Variants in NFIA observed in about 807,000 individuals in gnomAD.
NFIA encodes nuclear factor 1 A-type.
In NFIA, 8 loss-of-function variants were observed where a neutral mutation model predicts 62.8. That is an observed-to-expected ratio of 0.13 (90% CI 0.07 to 0.23). The LOEUF is 0.23. NFIA is among the 10% of genes least tolerant of loss of function. The probability of loss-of-function intolerance (pLI) is 1.00; values close to 1 mark genes in which losing one functional copy is unlikely to be tolerated. For synonymous variants in NFIA, 235 were observed against 238.1 expected (o/e 0.99, Z 0.12); for missense variants, 410 against 642.1 (o/e 0.64, Z 3.91).
intron 3 of NFIA, among the ~76,000 whole-genome samples, chr1:61,279,258 A>G (rs1404592554): frequency 6.6e-6 from 1 of 152,156 alleles, no homozygotes; most frequent in Admixed American, 6.5e-5. Context: ...TTTTCAGAAT[A>G]TGTTTCATTT....
chr1:61,409,277 A>G lies in NFIA; in HGVS notation c.1420+2550A>G, dbSNP rs554607796. 9.8e-5 allele frequency among the ~76,000 whole-genome samples: 15 copies of G among 152,338 alleles called. No homozygotes were observed. In the East Asian group the frequency reaches 2.7e-3, roughly 27 times the overall value. Reference sequence around the variant, plus strand: ...ATAGACAAAACAAAATGTTCTACCGATGACACAGAAAGGTTTTTATCATCA... The same window carrying G: ...ATAGACAAAACAAAATGTTCTACCGGTGACACAGAAAGGTTTTTATCATCA... On this transcript the variant is annotated intron_variant, in intron 9 of 10. Coordinates refer to ENST00000403491, the MANE Select transcript of NFIA (RefSeq NM_001134673.4).
At chr1:61,333,113 G>A (rs1661398825) in intron 4 of NFIA, among the ~76,000 whole-genome samples, 1 of 150,874 alleles carries the variant, frequency 6.6e-6, no homozygotes, top group Non-Finnish European at 1.5e-5. Context: ...CTTCCCTTAG[G>A]AATCTGTTTT....
At chr1:61,089,402 G>A (rs1646277194) in intron 2 of NFIA, among the ~76,000 whole-genome samples, 1 of 152,072 alleles carries the variant, frequency 6.6e-6, no homozygotes, top group African/African-American at 2.4e-5. Context: ...GTTTTTTCAA[G>A]GCATGTCTTA....
At chr1:61,239,605 G>C (rs1253983552) in intron 2 of NFIA, among the ~76,000 whole-genome samples, 1 of 152,082 alleles carries the variant, frequency 6.6e-6, no homozygotes, top group African/African-American at 2.4e-5. Context: ...GTGTTTGTAA[G>C]GTGGCTTAAA....
At chr1:61,374,469 C>T (rs1664052313) in intron 6 of NFIA, among the ~76,000 whole-genome samples, 1 of 152,070 alleles carries the variant, frequency 6.6e-6, no homozygotes. Flanking sequence ...GAGAGGAAAT[C>T]CCCCAACTAG....
intron 6 of NFIA, among the ~76,000 whole-genome samples, chr1:61,380,777 T>C (rs936440948): frequency 1.3e-5 from 2 of 152,178 alleles, no homozygotes; most frequent in Non-Finnish European, 2.9e-5. Flanking sequence ...TTATACATAG[T>C]TTGGCTGGTT....
intron 7 of NFIA, among the ~76,000 whole-genome samples, chr1:61,395,290 T>TG (rs1203224960): frequency 1.5e-3 from 138 of 91,204 alleles, no homozygotes; most frequent in East Asian, 5.9e-3. Flanking sequence ...GTGTGTGTGT[T>TG]TTTTTTTTTT....
chr1:61,144,096 C>T (rs2100510775), intron 2 of NFIA, among the ~76,000 whole-genome samples: 1 of 152,210 alleles, frequency 6.6e-6, no homozygotes. Flanking sequence ...ATACAGTGAA[C>T]AAAAAAGAAT....
chr1:61,449,148 C>T (rs981795154), intron 10 of NFIA, among the ~76,000 whole-genome samples: 11 of 152,156 alleles, frequency 7.2e-5, no homozygotes, highest in African/African-American at 2.2e-4. Context: ...CAACTGGCCC[C>T]GCTGCAACAA....
intron 9 of NFIA, among the ~76,000 whole-genome samples, chr1:61,412,721 GT>G (rs1666160070): frequency 6.6e-6 from 1 of 152,160 alleles, no homozygotes; most frequent in South Asian, 2.1e-4. Context: ...GTTTTTCTGT[GT>G]GTATCATCTC....
intron 2 of NFIA, among the ~76,000 whole-genome samples, chr1:61,091,342 CT>C (rs58806413): frequency 4.0e-4 from 59 of 147,140 alleles, no homozygotes; most frequent in African/African-American, 5.2e-4. Context: ...CAGAATCAAT[CT>C]TTTTTTTTTT....
At chr1:61,161,761 C>G (rs770466186) in intron 2 of NFIA, among the ~76,000 whole-genome samples, 4 of 152,128 alleles carry the variant, frequency 2.6e-5, no homozygotes, top group Non-Finnish European at 5.9e-5. Context: ...ACACACACAC[C>G]CCTCTATAAT....
rs10636290 is a variant in NFIA, at chr1:61,402,033, C to CTTTTTTTT, written c.1076-2056_1076-2049dup. ...GAAGTCCTAAGTTTTACTCATTTTTCTTTTTTTTTTTTTTTTTTTTTTGAG... is the reference window on the plus strand; with the variant it reads ...GAAGTCCTAAGTTTTACTCATTTTTCTTTTTTTTTTTTTTTTTTTTTTTTTTTTTTGAG... On this transcript the variant is annotated intron_variant, in intron 7 of 10. Coordinates refer to ENST00000403491, the MANE Select transcript of NFIA (RefSeq NM_001134673.4). 7.0e-3 allele frequency among the ~76,000 whole-genome samples: 664 copies of CTTTTTTTT among 94,504 alleles called. 7 individuals are homozygous for CTTTTTTTT. The highest frequency in any genetic ancestry group is 8.6e-3 in the Middle Eastern group (1 of 116). 62.0% of individuals were successfully genotyped at this position (94,504 alleles called of 152,430 possible).
At chr1:61,432,620 C>CGCGT (rs1667148717) in intron 10 of NFIA, among the ~76,000 whole-genome samples, 2 of 48,684 alleles carry the variant, frequency 4.1e-5, no homozygotes, top group African/African-American at 2.3e-4. Context: ...TACACACACA[C>CGCGT]ACACGTACAC....
intron 2 of NFIA, among the ~76,000 whole-genome samples, chr1:61,209,134 C>G (rs190173477): frequency 1.9e-4 from 29 of 151,538 alleles, no homozygotes; most frequent in Admixed American, 1.8e-3. Flanking sequence ...TTTTTTTTCC[C>G]CTGTCAGATA....
chr1:61,198,541 G>T (rs931819304), intron 2 of NFIA, among the ~76,000 whole-genome samples: 1 of 152,098 alleles, frequency 6.6e-6, no homozygotes, highest in Admixed American at 6.5e-5. Context: ...ATGTTATCTG[G>T]GCTTGCAACT....
chr1:61,098,183 T>C (rs935577100), intron 2 of NFIA, among the ~76,000 whole-genome samples: 1 of 152,222 alleles, frequency 6.6e-6, no homozygotes, highest in African/African-American at 2.4e-5. Flanking sequence ...AAATATCTTT[T>C]ATGCTGAATG....
At chr1:61,272,136 A>G (rs971214637) in intron 2 of NFIA, among the ~76,000 whole-genome samples, 3 of 152,132 alleles carry the variant, frequency 2.0e-5, no homozygotes, top group African/African-American at 7.2e-5. Flanking sequence ...TAATGGTGTT[A>G]CAGATTTCTG....
At chr1:61,200,295 G>A (rs920907943) in intron 2 of NFIA, among the ~76,000 whole-genome samples, 8 of 150,968 alleles carry the variant, frequency 5.3e-5, no homozygotes, top group Non-Finnish European at 1.0e-4. Flanking sequence ...CATCTGTATG[G>A]GATAATAATA....
Sources: gnomAD v4.1 joint callset for allele counts (sites outside exome capture counted in the v4.1 genomes callset) on GRCh38, gnomAD v4.1.1 for gene constraint, MANE v1.5 for transcripts, NCBI Gene and HGNC (gene_info 2026-07-23, HGNC 2026-07-21) for gene names.